Variants in GUCY1A1 observed in about 807,000 individuals in gnomAD.
The protein encoded by GUCY1A1 is guanylate cyclase soluble subunit alpha-1.
A neutral mutation model predicts 64.5 loss-of-function variants in GUCY1A1; 48 were observed. That is an observed-to-expected ratio of 0.74 (90% CI 0.59 to 0.95). The LOEUF (loss-of-function observed/expected upper bound fraction) is 0.95. GUCY1A1 is among the 40% of genes least tolerant of loss of function. The probability of loss-of-function intolerance (pLI) is 0.00; values close to 1 mark genes in which losing one functional copy is unlikely to be tolerated. For synonymous variants in GUCY1A1, 308 were observed against 303.4 expected (o/e 1.02, Z -0.16); for missense variants, 804 against 825.3 (o/e 0.97, Z 0.32).
chr4:155,667,229 C>T (rs1314792016), intron 1 of GUCY1A1, 117 bp from the exon 2 acceptor site: 1 of 152,050 alleles, frequency 6.6e-6, no homozygotes, highest in Non-Finnish European at 1.5e-5. Context: ...GCGTAAGTGC[C>T]GCTGCCGCGA....
chr4:155,728,652 A>G (rs935436055), intron 9 of GUCY1A1, among the ~76,000 whole-genome samples: 1 of 151,888 alleles, frequency 6.6e-6, no homozygotes, highest in Non-Finnish European at 1.5e-5. Context: ...CTCCACCAGT[A>G]GTGTATGAAG....
chr4:155,712,557 A>C (rs916139920), intron 6 of GUCY1A1, among the ~76,000 whole-genome samples: 5 of 152,182 alleles, frequency 3.3e-5, no homozygotes, highest in African/African-American at 1.2e-4. Context: ...GACAGAAAAA[A>C]AAATTAAGAT....
At chr4:155,669,327 A>T (rs1217649348) in intron 2 of GUCY1A1, among the ~76,000 whole-genome samples, 1 of 152,030 alleles carries the variant, frequency 6.6e-6, no homozygotes, top group Non-Finnish European at 1.5e-5. Flanking sequence ...TTGTCTTTGA[A>T]ATCCAATCAA....
Position 155,713,521 on chromosome 4 carries a change from A to G in GUCY1A1, c.1510A>G (p.Thr504Ala), listed in dbSNP as rs1354994722. 5.0e-6 allele frequency: 8 copies of G among 1,613,890 alleles called. No individual in the cohort carries two copies. The highest frequency in any genetic ancestry group is 6.8e-6 in the Non-Finnish European group (8 of 1,179,946). ...CSQCSPLQVI[T>A]MLNALYTRFD... ...CCAGTGCTCACCGCTGCAGGTCATC[A>G]CCATGCTCAATGCACTGTACACTCG... The change falls in exon 7 of 10, where the codon ACC becomes GCC. Residue 504 changes from threonine to alanine, a missense_variant. Physicochemically the swap from Thr to Ala is moderately conservative, Grantham distance 58. Transcript: ENST00000506455.
At position 155,720,584 on chromosome 4, in the gene GUCY1A1, T is replaced by C. The variant is rs77833696; in HGVS notation, c.1717-1454T>C. Among the ~76,000 whole-genome samples the C allele has an allele frequency of 1.0e-2, 1,517 of 152,268 alleles. 37 individuals are homozygous for C. Among genetic ancestry groups the C allele is most frequent in the African/African-American group, 0.035 (1,453 of 41,558 alleles). On this transcript the variant is annotated intron_variant, in intron 8 of 9. Transcript: ENST00000506455. The stretch of plus-strand genomic sequence containing the variant: ...CCAGACTACCAGTTACTAGTAGAGC[T>C]TGTTAGAATACAAAGTTCCTGATTC...
chr4:155,704,841 C>G (rs925125083), intron 4 of GUCY1A1, among the ~76,000 whole-genome samples: 17 of 151,988 alleles, frequency 1.1e-4, no homozygotes, highest in African/African-American at 3.1e-4. Flanking sequence ...CTCAGCCTCC[C>G]AAAAAACTGA....
chr4:155,723,950 A>G (rs984957356), intron 9 of GUCY1A1, among the ~76,000 whole-genome samples: 2 of 152,020 alleles, frequency 1.3e-5, no homozygotes, highest in Non-Finnish European at 2.9e-5. Flanking sequence ...GCGTGAGCCA[A>G]TGCACCTGGT....
intron 2 of GUCY1A1, chr4:155,667,816 G>A (rs75795010): frequency 0.12 from 18,613 of 151,918 alleles, 1,514 homozygotes; most frequent in South Asian, 0.22. Context: ...TGCGGCCTCC[G>A]GCGCGCCGGC....
At position 155,688,248 on chromosome 4, in the gene GUCY1A1, A is replaced by AAC. The variant is rs1560924212; in HGVS notation, c.-112-8507_-112-8506insCA. ...TCAAACAAACAAACAAACAAAAAAA[A>AAC]AAAAAAACTCATCATTACAGAAGAG... On this transcript the variant is annotated intron_variant, in intron 2 of 9. Transcript: ENST00000506455. 4.7e-3 allele frequency among the ~76,000 whole-genome samples: 707 copies of AAC among 151,838 alleles called. 12 individuals are homozygous for AAC. Among genetic ancestry groups the AAC allele is most frequent in the African/African-American group, 0.015 (630 of 41,292 alleles).
At chr4:155,670,493 G>T (rs547846062) in intron 2 of GUCY1A1, among the ~76,000 whole-genome samples, 201 of 152,208 alleles carry the variant, frequency 1.3e-3, no homozygotes, top group African/African-American at 4.7e-3. Context: ...TATTATATAT[G>T]TAATTTTTCT....
intron 2 of GUCY1A1, among the ~76,000 whole-genome samples, chr4:155,690,905 C>T (rs1318503567): frequency 2.6e-5 from 4 of 152,192 alleles, no homozygotes; most frequent in African/African-American, 9.6e-5. Context: ...GCAAGACCTT[C>T]GTAAATATTT....
intron 2 of GUCY1A1, among the ~76,000 whole-genome samples, chr4:155,688,881 T>C (rs115229379): frequency 0.022 from 3,280 of 152,092 alleles, 52 homozygotes; most frequent in Middle Eastern, 0.051. Context: ...TCAGCAATTG[T>C]AGGCCTTGAC....
intron 2 of GUCY1A1, chr4:155,667,819 G>T (rs1360650111): frequency 6.6e-6 from 1 of 151,970 alleles, no homozygotes; most frequent in African/African-American, 2.4e-5. Context: ...GGCCTCCGGC[G>T]CGCCGGCAGG....
chr4:155,692,588 C>A (rs1376372060), intron 2 of GUCY1A1, among the ~76,000 whole-genome samples: 3 of 152,166 alleles, frequency 2.0e-5, no homozygotes, highest in Non-Finnish European at 4.4e-5. Context: ...CTGTTGGTCA[C>A]ATGTATGCCT....
chr4:155,695,700 T>C (rs1730319839), intron 2 of GUCY1A1, among the ~76,000 whole-genome samples: 1 of 152,308 alleles, frequency 6.6e-6, no homozygotes, highest in Non-Finnish European at 1.5e-5. Flanking sequence ...ATAATACCTG[T>C]GTTATGTGGT....
At chr4:155,702,787 G>A (rs895529173) in intron 3 of GUCY1A1, among the ~76,000 whole-genome samples, 1 of 151,712 alleles carries the variant, frequency 6.6e-6, no homozygotes, top group African/African-American at 2.4e-5. Context: ...CATAACTCAT[G>A]TCATTAAAAC....
intron 2 of GUCY1A1, among the ~76,000 whole-genome samples, chr4:155,671,433 C>A (rs916114139): frequency 1.3e-5 from 2 of 152,126 alleles, no homozygotes; most frequent in Admixed American, 1.3e-4. Context: ...TGCTTCACTC[C>A]AATGTCAGCT....
chr4:155,703,898 G>A (rs778920915), intron 3 of GUCY1A1, 34 bp from the exon 4 acceptor site: 157 of 1,337,932 alleles, frequency 1.2e-4, no homozygotes, highest in Non-Finnish European at 1.5e-4. Context: ...TATTATATAA[G>A]GGAATGTTTA....
chr4:155,716,668 T>A (rs1733273038), intron 7 of GUCY1A1, among the ~76,000 whole-genome samples: 1 of 152,142 alleles, frequency 6.6e-6, no homozygotes, highest in Non-Finnish European at 1.5e-5. Context: ...TCTTTACTCT[T>A]ATGACTATTA....
Sources: gnomAD v4.1 joint callset for allele counts (sites outside exome capture counted in the v4.1 genomes callset) on GRCh38, gnomAD v4.1.1 for gene constraint, MANE v1.5 for transcripts, NCBI Gene and HGNC (gene_info 2026-07-23, HGNC 2026-07-21) for gene names.